The following SEC11A variants were observed in gnomAD, a reference collection of about 807,000 sequenced individuals.
SEC11A encodes SEC11 homolog A, signal peptidase complex subunit.
Under a neutral mutation model 25.6 loss-of-function variants are expected in SEC11A, and 14 were observed. That is an observed-to-expected ratio of 0.55 (90% CI 0.36 to 0.85). The LOEUF (loss-of-function observed/expected upper bound fraction) is 0.85. SEC11A is among the 40% of genes least tolerant of loss of function. SEC11A has a pLI of 0.01. For missense variants in SEC11A, 153 were observed against 222.9 expected, an observed-to-expected ratio of 0.69 and a Z score of 2.00; for synonymous variants, 83 against 76.4, an observed-to-expected ratio of 1.09 and a Z score of -0.45.
chr15:84,707,126 C>A (rs1038156191), intron 1 of SEC11A, among the ~76,000 whole-genome samples: 1 of 151,130 alleles, frequency 6.6e-6, no homozygotes, highest in Non-Finnish European at 1.5e-5. Context: ...TCCTCTGGGT[C>A]TCTAACCCAC....
At chr15:84,696,261 G>A (rs1897765310) in intron 1 of SEC11A, among the ~76,000 whole-genome samples, 2 of 152,158 alleles carry the variant, frequency 1.3e-5, no homozygotes, top group South Asian at 4.2e-4. Context: ...TTAGAACTCT[G>A]GCCTCCTAAA....
At chr15:84,679,491 T>G (rs575518533) in intron 4 of SEC11A, among the ~76,000 whole-genome samples, 1 of 152,348 alleles carries the variant, frequency 6.6e-6, no homozygotes, top group East Asian at 1.9e-4. Flanking sequence ...TCATACTTCC[T>G]TCTCTATGGG....
At chr15:84,680,255 C>T (rs1013067426) in intron 4 of SEC11A, among the ~76,000 whole-genome samples, 9 of 150,714 alleles carry the variant, frequency 6.0e-5, no homozygotes, top group Admixed American at 4.0e-4. Flanking sequence ...GAGCTGAGAT[C>T]GCGCTATTGC....
At chr15:84,679,306 G>T (rs963977357) in intron 4 of SEC11A, 63 of 1,172,202 alleles carry the variant, frequency 5.4e-5, no homozygotes, top group Non-Finnish European at 6.9e-5. Context: ...GATTATAAAA[G>T]TATTTTTAGC....
At chr15:84,688,709 C>T (rs1447609092) in intron 2 of SEC11A, among the ~76,000 whole-genome samples, 1 of 152,142 alleles carries the variant, frequency 6.6e-6, no homozygotes, top group Non-Finnish European at 1.5e-5. Flanking sequence ...TCAAATTTTG[C>T]TGCACATTGG....
intron 4 of SEC11A, among the ~76,000 whole-genome samples, chr15:84,679,744 T>C (rs1897235472): frequency 6.6e-6 from 1 of 152,200 alleles, no homozygotes; most frequent in African/African-American, 2.4e-5. Flanking sequence ...CCTAACTCAT[T>C]TATGTTTCCT....
intron 2 of SEC11A, among the ~76,000 whole-genome samples, chr15:84,690,920 A>G (rs973445895): frequency 6.6e-6 from 1 of 152,232 alleles, no homozygotes; most frequent in Non-Finnish European, 1.5e-5. Flanking sequence ...ATAAAAAGAC[A>G]GAAGAATTTC....
intron 2 of SEC11A, among the ~76,000 whole-genome samples, chr15:84,688,829 G>A (rs757893225): frequency 7.9e-5 from 12 of 152,072 alleles, no homozygotes; most frequent in Non-Finnish European, 1.3e-4. Flanking sequence ...TCAGGAGTTC[G>A]TGACCAGCCT....
intron 4 of SEC11A, chr15:84,679,927 C>T (rs1254392046): frequency 6.5e-7 from 1 of 1,526,834 alleles, no homozygotes; most frequent in South Asian, 1.2e-5. Flanking sequence ...ATACCAACAA[C>T]TTACAATTCC....
At chr15:84,686,955 C>G (rs1015378637) in intron 3 of SEC11A, 1 of 152,274 alleles carries the variant, frequency 6.6e-6, no homozygotes, top group African/African-American at 2.4e-5. Flanking sequence ...TCACTGCAAC[C>G]TCCACCTCCC....
intron 1 of SEC11A, among the ~76,000 whole-genome samples, chr15:84,697,998 A>G (rs1897817077): frequency 6.6e-6 from 1 of 152,170 alleles, no homozygotes; most frequent in African/African-American, 2.4e-5. Flanking sequence ...ATTTGTGTTT[A>G]CTATTCTTTT....
chr15:84,707,293 C>T (rs1425989935), intron 1 of SEC11A, among the ~76,000 whole-genome samples: 1 of 145,552 alleles, frequency 6.9e-6, no homozygotes, highest in East Asian at 2.1e-4. Context: ...TCAAGCAATT[C>T]TCCTGCCTCA....
rs78744479 is a variant in SEC11A at position 84,699,797 on chromosome 15, A to C, written c.52-8153T>G. 2.1e-3 allele frequency among the ~76,000 whole-genome samples: 318 copies of C among 152,010 alleles called. 6 individuals are homozygous for C. The East Asian group carries it at 0.048, about 23-fold the overall frequency. ...AAAAAAACAAAGACACACACACACA[A>C]AAAAAAGAACTGGGAGTTCAGGGAG... On this transcript the variant is annotated intron_variant, in intron 1 of 5. Transcript: ENST00000268220.
At chr15:84,704,760 A>G (rs1229281185) in intron 1 of SEC11A, among the ~76,000 whole-genome samples, 1 of 152,120 alleles carries the variant, frequency 6.6e-6, no homozygotes, top group Non-Finnish European at 1.5e-5. Context: ...TATTGCCATG[A>G]TAGGTTGCAT....
chr15:84,675,190 C>T (rs1897104288), intron 4 of SEC11A, among the ~76,000 whole-genome samples: 1 of 152,192 alleles, frequency 6.6e-6, no homozygotes, highest in Non-Finnish European at 1.5e-5. Context: ...AAAATGAATG[C>T]CATCCACAAA....
At chr15:84,688,264 A>T (rs1336007643) in intron 2 of SEC11A, among the ~76,000 whole-genome samples, 1 of 152,236 alleles carries the variant, frequency 6.6e-6, no homozygotes, top group Non-Finnish European at 1.5e-5. Context: ...TGGCTCATCA[A>T]GTCAAGGAAC....
rs548195446 is a variant in SEC11A, at chr15:84,677,519, CTGGAG to C, written c.431+3189_431+3193del. Among the ~76,000 whole-genome samples the C allele has an allele frequency of 2.2e-3, 327 of 148,780 alleles. 8 individuals are homozygous for C. Among genetic ancestry groups the C allele is most frequent in the African/African-American group, 7.1e-3 (286 of 40,132 alleles). ...ACAGAGTGCCGCTCTGTCACTCAGG[CTGGAG>C]TGCAGTGGCGTGATCTCGGCTCACT... On this transcript the variant is annotated intron_variant, in intron 4 of 5. Transcript: ENST00000268220.
chr15:84,710,543 A>G (rs1247172570), intron 1 of SEC11A, among the ~76,000 whole-genome samples: 1 of 152,144 alleles, frequency 6.6e-6, no homozygotes, highest in Non-Finnish European at 1.5e-5. Context: ...AGGCTGTGGC[A>G]GGGGAATTGT....
intron 3 of SEC11A, chr15:84,685,945 G>C (rs1897410800): frequency 6.6e-6 from 1 of 151,750 alleles, no homozygotes. Context: ...TGGAGTTACA[G>C]GTGCCCACCA....
Sources: gnomAD v4.1 joint callset for allele counts (sites outside exome capture counted in the v4.1 genomes callset) on GRCh38, gnomAD v4.1.1 for gene constraint, MANE v1.5 for transcripts, NCBI Gene and HGNC (gene_info 2026-07-23, HGNC 2026-07-21) for gene names.